The following SOS2 variants were observed in gnomAD, a reference collection of about 807,000 sequenced individuals.
SOS2 encodes son of sevenless homolog 2.
In SOS2, 65 loss-of-function variants were observed where a neutral mutation model predicts 148.2. The observed-to-expected ratio is 0.44, with a 90% confidence interval of 0.36 to 0.54. The LOEUF (loss-of-function observed/expected upper bound fraction) is 0.54, where lower values mean the gene tolerates loss of function less well. SOS2 is among the 20% of genes least tolerant of loss of function. The probability of loss-of-function intolerance (pLI) is 0.00; values close to 1 mark genes in which losing one functional copy is unlikely to be tolerated. For synonymous variants in SOS2, 539 were observed against 537.1 expected, an observed-to-expected ratio of 1.00 and a Z score of -0.05; for missense variants, 1,341 against 1,590.2, an observed-to-expected ratio of 0.84 and a Z score of 2.67.
chr14:50,184,777 C>G (rs1885854263), intron 5 of SOS2, among the ~76,000 whole-genome samples: 1 of 145,414 alleles, frequency 6.9e-6, no homozygotes, highest in Non-Finnish European at 1.5e-5. Flanking sequence ...GCTGGAGGAT[C>G]TGCTTGAGCC....
chr14:50,146,394 A>G (rs935859707), intron 14 of SOS2, among the ~76,000 whole-genome samples: 2 of 152,212 alleles, frequency 1.3e-5, no homozygotes, highest in Admixed American at 1.3e-4. Flanking sequence ...CTGTAATCCC[A>G]GCACTTTGGG....
rs1454642803 is a variant in SOS2, at chr14:50,118,872, T to G, written c.3490-19A>C. 1 of 1,364,020 alleles carries G rather than the reference T, an allele frequency of 7.3e-7. No homozygotes were observed. The highest frequency in any genetic ancestry group is 2.4e-5 in the East Asian group (1 of 41,674). The allele number at this position is 1,364,020 out of a possible 1,614,324, so 84.5% of individuals were successfully genotyped here. A position where few individuals can be genotyped will look rare whatever the true frequency, so the allele number is the denominator to read the frequency against. ...TATTTCCCTCAAAAAAAAAAGTAAT[T>G]AAATTATACCTCTATTCTGAAAAAT... On this transcript the variant is annotated intron_variant, in intron 22 of 22. Coordinates refer to ENST00000216373, the MANE Select transcript of SOS2 (RefSeq NM_006939.4).
intron 8 of SOS2, among the ~76,000 whole-genome samples, chr14:50,171,197 G>C (rs1037604360): frequency 1.3e-5 from 2 of 151,876 alleles, no homozygotes; most frequent in African/African-American, 4.8e-5. Flanking sequence ...ACTGTTGGTA[G>C]GAATGTACAA....
At chr14:50,133,711 C>A (rs1397560750) in intron 19 of SOS2, among the ~76,000 whole-genome samples, 3 of 152,196 alleles carry the variant, frequency 2.0e-5, no homozygotes, top group Non-Finnish European at 2.9e-5. Flanking sequence ...GCATCAAATT[C>A]TAGTGACAGA....
intron 11 of SOS2, 90 bp downstream of exon 11, chr14:50,158,470 ATTAAC>A (rs1175606321): frequency 4.4e-6 from 3 of 688,234 alleles, no homozygotes; most frequent in Non-Finnish European, 7.5e-6. Context: ...ATGTTCAATA[ATTAAC>A]TTGAGTATTT....
At chr14:50,173,380 G>T (rs1885429017) in intron 8 of SOS2, among the ~76,000 whole-genome samples, 1 of 151,874 alleles carries the variant, frequency 6.6e-6, no homozygotes, top group Non-Finnish European at 1.5e-5. Context: ...CTTTTTTATG[G>T]AGTGCTACTA....
Position 50,134,400 on chromosome 14 carries a change from C to T in SOS2, c.2959-161G>A, listed in dbSNP as rs114610027. ...ATATGTGAAAAGTTCACAAGTGTTG[C>T]TTATTCCAATCTCTTTACTTCTGAA... On this transcript the variant is annotated intron_variant, in intron 18 of 22. Transcript: ENST00000216373. Among the ~76,000 whole-genome samples the T allele has an allele frequency of 2.1e-3, 326 of 152,258 alleles. 2 individuals are homozygous for T. Among genetic ancestry groups the T allele is most frequent in the African/African-American group, 7.2e-3 (299 of 41,542 alleles).
At chr14:50,175,906 T>C (rs1458567519) in intron 7 of SOS2, among the ~76,000 whole-genome samples, 2 of 152,224 alleles carry the variant, frequency 1.3e-5, no homozygotes, top group Non-Finnish European at 2.9e-5. Flanking sequence ...TATTATCCAG[T>C]AACCAAACTT....
At chr14:50,213,190 G>A (rs920472376) in intron 1 of SOS2, among the ~76,000 whole-genome samples, 1 of 152,190 alleles carries the variant, frequency 6.6e-6, no homozygotes, top group Non-Finnish European at 1.5e-5. Flanking sequence ...GTCCACACTG[G>A]TGCAGGTCAG....
chr14:50,133,242 CTTTTTTCT>C (rs1001655858), intron 19 of SOS2, among the ~76,000 whole-genome samples: 4 of 78,806 alleles, frequency 5.1e-5, no homozygotes, highest in African/African-American at 1.4e-4. Context: ...TTTCTTTTTT[CTTTTTTCT>C]TTTTTTTTTT....
At chr14:50,218,331 T>G (rs143547084) in intron 1 of SOS2, among the ~76,000 whole-genome samples, 2 of 150,686 alleles carry the variant, frequency 1.3e-5, no homozygotes, top group South Asian at 2.1e-4. Flanking sequence ...GAGATCAGCC[T>G]GGGCAACATG....
At chr14:50,224,314 TACACAC>T (rs71118856) in intron 1 of SOS2, among the ~76,000 whole-genome samples, 17,211 of 100,684 alleles carry the variant, frequency 0.17, 2,059 homozygotes, top group Admixed American at 0.27. Flanking sequence ...AATATATATA[TACACAC>T]ACACACACAC....
At chr14:50,231,825 C>A (rs1001430717), upstream of SOS2, among the ~76,000 whole-genome samples, 1 of 152,200 alleles carries the variant, frequency 6.6e-6, no homozygotes, top group Non-Finnish European at 1.5e-5. Flanking sequence ...GAGCGAGCCT[C>A]GCTATGGCGC....
At chr14:50,119,175 T>G (rs1883415045) in intron 22 of SOS2, among the ~76,000 whole-genome samples, 1 of 152,242 alleles carries the variant, frequency 6.6e-6, no homozygotes, top group African/African-American at 2.4e-5. Context: ...AAGGACATGA[T>G]GTCTAGAGGA....
intron 18 of SOS2, among the ~76,000 whole-genome samples, chr14:50,138,323 AT>A (rs927221467): frequency 2.7e-5 from 4 of 150,308 alleles, no homozygotes; most frequent in Admixed American, 1.3e-4. Context: ...TGCCCAGCTA[AT>A]TTTTTTTTAT....
At chr14:50,212,855 C>T (rs1886923072) in intron 1 of SOS2, among the ~76,000 whole-genome samples, 2 of 152,162 alleles carry the variant, frequency 1.3e-5, no homozygotes, top group Non-Finnish European at 2.9e-5. Flanking sequence ...GAGAAGCAGA[C>T]ATTAGCTTCA....
chr14:50,170,110 T>C (rs942008558), intron 8 of SOS2, among the ~76,000 whole-genome samples: 1 of 151,492 alleles, frequency 6.6e-6, no homozygotes, highest in African/African-American at 2.4e-5. Context: ...TTTTTTTTTT[T>C]TTTGTAGAGA....
At chr14:50,147,083 T>C (rs1225125254) in intron 14 of SOS2, among the ~76,000 whole-genome samples, 6 of 151,124 alleles carry the variant, frequency 4.0e-5, no homozygotes, top group African/African-American at 1.5e-4. Flanking sequence ...CTGCAGTTCC[T>C]GCTACTGAGA....
chr14:50,230,874 A>C (rs1186723279), intron 1 of SOS2: 1 of 1,031,952 alleles, frequency 9.7e-7, no homozygotes, highest in Admixed American at 5.6e-5. Context: ...AAACTGTCTA[A>C]ATACCAGCGG....
Sources: allele counts gnomAD v4.1 joint callset (sites outside exome capture counted in the v4.1 genomes callset), GRCh38; gene constraint gnomAD v4.1.1; transcripts MANE v1.5; gene names NCBI Gene and HGNC (gene_info 2026-07-23, HGNC 2026-07-21).